Variants in PPFIA1 observed in about 807,000 individuals in gnomAD.
PPFIA1 encodes the protein PPFI scaffold protein A1, also known as liprin-alpha-1.
Under a neutral mutation model 149.9 loss-of-function variants are expected in PPFIA1, and 25 were observed. The ratio of observed to expected loss-of-function variants is 0.17; its 90% CI spans 0.12 to 0.23. The LOEUF is 0.23. Among genes scored for constraint, PPFIA1 ranks in the 10% least tolerant of loss-of-function variants. PPFIA1 has a pLI of 1.00. For missense variants in PPFIA1, 1,362 were observed against 1,506.5 expected (o/e 0.90, Z 1.59); for synonymous variants, 549 against 552.8 (o/e 0.99, Z 0.10).
intron 26 of PPFIA1, 183 bp downstream of exon 26, chr11:70,378,378 A>G (rs1228104061): frequency 1.5e-6 from 2 of 1,296,432 alleles, no homozygotes; most frequent in East Asian, 5.9e-5. Flanking sequence ...GTTTAACCAT[A>G]ATAATAGAAT....
In PPFIA1 at chr11:70,326,814, G is replaced by A. The variant is rs902270154; in HGVS notation, c.926G>A (p.Arg309His). The change falls in exon 7 of 28, where the codon CGT (arginine) becomes CAT (histidine). Residue 309 changes from arginine (R) to histidine (H), a missense_variant. By Grantham distance (29) the Arg-to-His change is conservative. Coordinates refer to ENST00000253925, the MANE Select transcript of PPFIA1 (RefSeq NM_003626.5). The part of the protein sequence containing the change: ...EMNTKLQRDV[R>H]EAMAQKEDME... The stretch of plus-strand genomic sequence containing the variant: ...AACACAAAATTGCAACGAGATGTCC[G>A]TGAAGTGAGCAATAACAAAAACTAC... 3 of 1,611,840 alleles carry A rather than the reference G, an allele frequency of 1.9e-6. No homozygotes were observed. Among genetic ancestry groups the A allele is most frequent in the Non-Finnish European group, 2.5e-6 (3 of 1,178,206 alleles).
chr11:70,348,438 C>T lies in PPFIA1; in HGVS notation c.2163+18C>T. On this transcript the variant is annotated intron_variant, in intron 16 of 27. Transcript: ENST00000253925. ...TGACCCTTGTACGTATCCGCCCTTT[C>T]CCTGCTGTGGCTGCCCTCAGCATAC... The T allele has an allele frequency of 6.4e-7, 1 of 1,563,830 alleles. No individual in the cohort carries two copies. The highest frequency in any genetic ancestry group is 8.8e-7 in the Non-Finnish European group (1 of 1,135,332).
At chr11:70,347,447 C>T (rs1193999852) in intron 15 of PPFIA1, among the ~76,000 whole-genome samples, 1 of 152,116 alleles carries the variant, frequency 6.6e-6, no homozygotes, top group Non-Finnish European at 1.5e-5. Flanking sequence ...GCCAGTAATC[C>T]CACCACTTTG....
At chr11:70,381,049 C>T (rs1332342979) in intron 26 of PPFIA1, 1 of 152,110 alleles carries the variant, frequency 6.6e-6, no homozygotes, top group Non-Finnish European at 1.5e-5. Context: ...ATCCTCCTGC[C>T]TTGACCTCCC....
At chr11:70,325,465 CACACACACACAA>C (rs766498676) in intron 4 of PPFIA1, 23 bp from the exon 5 acceptor site, 2 of 1,377,948 alleles carry the variant, frequency 1.5e-6, no homozygotes, top group South Asian at 1.2e-5. Context: ...ACAGTATACA[CACACACACACAA>C]ACTCAACCCC....
chr11:70,365,487 A>G (rs1460980800), intron 21 of PPFIA1: 3 of 455,450 alleles, frequency 6.6e-6, no homozygotes, highest in South Asian at 3.1e-5. Context: ...TCCACTTAAG[A>G]CCGTCTGGGT....
Position 70,360,470 on chromosome 11 carries a change from C to T in PPFIA1, c.2583-1625C>T, listed in dbSNP as rs750602454. 7.9e-5 allele frequency among the ~76,000 whole-genome samples: 12 copies of T among 152,254 alleles called. 1 individual carries two copies. The highest frequency in any genetic ancestry group is 4.1e-4 in the South Asian group (2 of 4,836). On this transcript the variant is annotated intron_variant, in intron 19 of 27. Coordinates refer to ENST00000253925, the MANE Select transcript of PPFIA1 (RefSeq NM_003626.5). Reference sequence around the variant, plus strand: ...CCCTGCGCCTTGGCCAGGCCCCGGACGCTCAAAGCCTTAGCAGTTAACCAG... The same window carrying T: ...CCCTGCGCCTTGGCCAGGCCCCGGATGCTCAAAGCCTTAGCAGTTAACCAG...
At chr11:70,368,971 A>G (rs1380457319) in intron 21 of PPFIA1, among the ~76,000 whole-genome samples, 1 of 145,254 alleles carries the variant, frequency 6.9e-6, no homozygotes, top group Non-Finnish European at 1.5e-5. Context: ...TTTTTTTTTT[A>G]AAGAGACAGG....
At chr11:70,373,080 G>A (rs1159290343) in intron 23 of PPFIA1, among the ~76,000 whole-genome samples, 1 of 152,206 alleles carries the variant, frequency 6.6e-6, no homozygotes, top group Non-Finnish European at 1.5e-5. Flanking sequence ...TTAGGGTAAG[G>A]AAAAGGCATT....
chr11:70,288,045 C>T (rs1338312818), intron 2 of PPFIA1, among the ~76,000 whole-genome samples: 4 of 151,450 alleles, frequency 2.6e-5, no homozygotes, highest in African/African-American at 9.7e-5. Flanking sequence ...ACTTGCTCTC[C>T]AGCCATGCCT....
intron 2 of PPFIA1, among the ~76,000 whole-genome samples, chr11:70,315,775 A>G (rs1591179950): frequency 6.9e-6 from 1 of 145,856 alleles, no homozygotes; most frequent in African/African-American, 2.6e-5. Flanking sequence ...GGCATTAAGT[A>G]TATTCACATT....
chr11:70,368,980 G>A (rs545743176), intron 21 of PPFIA1, among the ~76,000 whole-genome samples: 4 of 150,360 alleles, frequency 2.7e-5, no homozygotes, highest in Middle Eastern at 3.4e-3. Context: ...TAAAGAGACA[G>A]GGTCTCACCA....
intron 2 of PPFIA1, among the ~76,000 whole-genome samples, chr11:70,317,897 A>T (rs1014702474): frequency 6.6e-6 from 1 of 152,178 alleles, no homozygotes; most frequent in Non-Finnish European, 1.5e-5. Context: ...AAATTTGTTC[A>T]TAATAGACTT....
At chr11:70,365,243 GA>G (rs35493848) in intron 21 of PPFIA1, 1 of 360,796 alleles carries the variant, frequency 2.8e-6, no homozygotes, top group South Asian at 2.1e-5. Flanking sequence ...CATCTGAACT[GA>G]AAAGTGAGAA....
rs577323197 is a variant in PPFIA1, at chr11:70,297,756, C to T, written c.264+25320C>T. 2.4e-3 allele frequency among the ~76,000 whole-genome samples: 363 copies of T among 152,260 alleles called. 5 individuals carry two copies. Among genetic ancestry groups the T allele is most frequent in the African/African-American group, 8.2e-3 (339 of 41,544 alleles). On this transcript the variant is annotated intron_variant, in intron 2 of 27. Coordinates refer to ENST00000253925, the MANE Select transcript of PPFIA1 (RefSeq NM_003626.5). ...AGGCCCTGCTAGCCGGGCCCCATTT[C>T]CCCGTAATGTCTGTGCTCCGAGGTT...
chr11:70,310,390 T>C (rs73517127), intron 2 of PPFIA1, among the ~76,000 whole-genome samples: 2,763 of 150,756 alleles, frequency 0.018, 89 homozygotes, highest in African/African-American at 0.064. Context: ...ATGTACTTTT[T>C]TTTTTTTTTT....
chr11:70,279,922 T>TGTGTGTGTGTGTGTGTGTGTGTG (rs1555077789), intron 2 of PPFIA1, among the ~76,000 whole-genome samples: 1 of 151,674 alleles, frequency 6.6e-6, no homozygotes, highest in African/African-American at 2.4e-5. Flanking sequence ...TGTGTGTATA[T>TGTGTGTGTGTGTGTGTGTGTGTG]TTTTGGGACA....
At chr11:70,342,936 C>CTTTTTTTTTTTTT (rs71463672) in intron 14 of PPFIA1, among the ~76,000 whole-genome samples, 2 of 78,176 alleles carry the variant, frequency 2.6e-5, no homozygotes, top group Non-Finnish European at 2.4e-5. Flanking sequence ...AATGTACCAC[C>CTTTTTTTTTTTTT]TTTTTTTTTT....
At chr11:70,284,497 G>GAC (rs2050973963) in intron 2 of PPFIA1, among the ~76,000 whole-genome samples, 1 of 151,880 alleles carries the variant, frequency 6.6e-6, no homozygotes, top group African/African-American at 2.4e-5. Context: ...GTCAGTGGTA[G>GAC]AGACAGGGTC....
Sources: allele counts gnomAD v4.1 joint callset (sites outside exome capture counted in the v4.1 genomes callset), GRCh38; gene constraint gnomAD v4.1.1; transcripts MANE v1.5; gene names NCBI Gene and HGNC (gene_info 2026-07-23, HGNC 2026-07-21).